Variants in RPA3 observed in about 807,000 individuals in gnomAD.
RPA3 encodes replication protein A3.
Under a neutral mutation model 13.7 loss-of-function variants are expected in RPA3, and 24 were observed. The ratio of observed to expected loss-of-function variants is 1.75; its 90% CI spans 1.27 to 2.46. RPA3 has a LOEUF of 2.46. Ranked by LOEUF, RPA3 falls within the 30% of genes most tolerant of loss-of-function variation. RPA3 has a pLI of 0.00. For missense variants in RPA3, 183 were observed against 151.0 expected (o/e 1.21, Z -1.11); for synonymous variants, 59 against 51.2 (o/e 1.15, Z -0.65).
chr7:7,642,290 A>G (rs1284234496), intron 4 of RPA3, among the ~76,000 whole-genome samples: 1 of 150,520 alleles, frequency 6.6e-6, no homozygotes, highest in African/African-American at 2.4e-5. Context: ...ACATACCACC[A>G]CACCCAGCTA....
chr7:7,699,309 GATTTAAA>G (rs891436393), intron 2 of RPA3, among the ~76,000 whole-genome samples: 105 of 152,082 alleles, frequency 6.9e-4, no homozygotes, highest in African/African-American at 2.1e-3. Flanking sequence ...TTATCCAACT[GATTTAAA>G]ATTTAAATAT....
At chr7:7,673,372 A>AGCAGCAG (rs750614406) in intron 4 of RPA3, 27 of 1,094,268 alleles carry the variant, frequency 2.5e-5, no homozygotes, top group Non-Finnish European at 2.5e-5. Context: ...AGCAGCAGCA[A>AGCAGCAG]TGTTTCACTT....
In RPA3 at chr7:7,671,115, A is replaced by G. The variant is rs185293783; in HGVS notation, c.-758+14715T>C. ...GGGTTGTTTTAAGCATTCAATAATCATATTACTCTTTGAATTGAGACCAGA... is the reference window on the plus strand; with the variant it reads ...GGGTTGTTTTAAGCATTCAATAATCGTATTACTCTTTGAATTGAGACCAGA... On this transcript the variant is annotated intron_variant, in intron 4 of 7. Coordinates refer to ENST00000223129, the MANE Select transcript of RPA3 (RefSeq NM_002947.5). Among the ~76,000 whole-genome samples the G allele has an allele frequency of 2.0e-3, 301 of 152,318 alleles. 1 individual carries two copies. The highest frequency in any genetic ancestry group is 7.9e-3 in the South Asian group (38 of 4,826).
intron 4 of RPA3, among the ~76,000 whole-genome samples, chr7:7,657,200 G>C (rs920397920): frequency 6.6e-6 from 1 of 152,032 alleles, no homozygotes; most frequent in Admixed American, 6.6e-5. Flanking sequence ...TCTTTCTAGA[G>C]TCTGGGTATT....
chr7:7,654,926 TA>T (rs1215899412), intron 4 of RPA3, among the ~76,000 whole-genome samples: 2 of 151,596 alleles, frequency 1.3e-5, no homozygotes, highest in Non-Finnish European at 2.9e-5. Flanking sequence ...AAATTTGTGA[TA>T]TTTTTAATTG....
intron 1 of RPA3, among the ~76,000 whole-genome samples, chr7:7,717,830 T>C (rs28912674): frequency 5.3e-5 from 8 of 152,358 alleles, no homozygotes; most frequent in African/African-American, 1.9e-4. Flanking sequence ...TACCATCACC[T>C]TTTATGCTTA....
intron 4 of RPA3, among the ~76,000 whole-genome samples, chr7:7,649,683 TTGG>T (rs2115548997): frequency 7.6e-6 from 1 of 132,418 alleles, no homozygotes; most frequent in African/African-American, 2.5e-5. Flanking sequence ...TGTATTCTTG[TTGG>T]TGGGGGGGCC....
chr7:7,650,580 A>G (rs937050905), intron 4 of RPA3, among the ~76,000 whole-genome samples: 3 of 152,224 alleles, frequency 2.0e-5, no homozygotes, highest in African/African-American at 7.2e-5. Context: ...AATGCCACTA[A>G]ACCGTACACT....
At chr7:7,643,007 G>C (rs1263810008) in intron 4 of RPA3, among the ~76,000 whole-genome samples, 5 of 152,080 alleles carry the variant, frequency 3.3e-5, no homozygotes, top group African/African-American at 1.2e-4. Context: ...AATGTACGTA[G>C]ATCATATTTT....
At position 7,640,341 on chromosome 7, in the gene RPA3, G is replaced by T. The variant is rs1256510606; in HGVS notation, c.78C>A (p.Cys26Ter). ...ACACCTTTTCCAGCCTCCCTACGAA[G>T]CAGACAGGCTTGTCGATGAATTGAG... ...MLAQFIDKPV[C>*]FVGRLEKIHP... is the part of the protein sequence containing the mutation. The change falls in exon 5 of 8, where the codon TGC (cysteine) becomes TGA (stop). Residue 26 changes from cysteine to a stop codon, truncating the protein, a stop_gained. Coordinates refer to ENST00000223129, the MANE Select transcript of RPA3 (RefSeq NM_002947.5). LOFTEE classifies it high-confidence loss of function. The T allele has an allele frequency of 6.2e-7, 1 of 1,614,042 alleles. No homozygotes were observed. The highest frequency in any genetic ancestry group is 8.5e-7 in the Non-Finnish European group (1 of 1,179,978).
At chr7:7,646,505 T>TTA (rs1262960426) in intron 4 of RPA3, among the ~76,000 whole-genome samples, 195 of 136,922 alleles carry the variant, frequency 1.4e-3, no homozygotes, top group Non-Finnish European at 1.3e-3. Context: ...TTTTTTTTTT[T>TTA]AATTCTCTCG....
chr7:7,663,269 C>G (rs965583237), intron 4 of RPA3, among the ~76,000 whole-genome samples: 9 of 136,464 alleles, frequency 6.6e-5, no homozygotes, highest in Non-Finnish European at 4.7e-5. Context: ...ACACCTAAAT[C>G]TAAGATAGTT....
chr7:7,638,606 C>T (rs1283924393), intron 6 of RPA3: 1 of 153,814 alleles, frequency 6.5e-6, no homozygotes, highest in African/African-American at 2.4e-5. Context: ...TTAAGCATGC[C>T]TGTAGTCCCA....
intron 4 of RPA3, among the ~76,000 whole-genome samples, chr7:7,683,190 T>C (rs559057280): frequency 6.6e-6 from 1 of 152,192 alleles, no homozygotes; most frequent in African/African-American, 2.4e-5. Flanking sequence ...GTGGATTTAG[T>C]TGACTCAAAC....
chr7:7,692,144 C>T (rs565300884), intron 2 of RPA3, among the ~76,000 whole-genome samples: 37 of 152,104 alleles, frequency 2.4e-4, no homozygotes, highest in Non-Finnish European at 4.4e-4. Flanking sequence ...TCTGCACTCT[C>T]GCACACATAT....
intron 4 of RPA3, among the ~76,000 whole-genome samples, chr7:7,662,541 C>T (rs944077722): frequency 2.0e-5 from 3 of 152,154 alleles, no homozygotes; most frequent in Non-Finnish European, 2.9e-5. Flanking sequence ...CCGCACAGTC[C>T]CTCAAGGCTT....
chr7:7,639,296 CT>C (rs1784914647), intron 5 of RPA3, 152 bp from the exon 6 acceptor site: 1 of 571,556 alleles, frequency 1.7e-6, no homozygotes, highest in Non-Finnish European at 3.1e-6. Flanking sequence ...AAATTATAAT[CT>C]TATGTTATCA....
At chr7:7,710,636 A>G (rs1386104349) in intron 2 of RPA3, among the ~76,000 whole-genome samples, 7 of 152,222 alleles carry the variant, frequency 4.6e-5, no homozygotes, top group African/African-American at 1.7e-4. Context: ...TCTGGAAAAT[A>G]GACAGTTTCT....
chr7:7,656,825 T>C (rs1205020468), intron 4 of RPA3, among the ~76,000 whole-genome samples: 1 of 152,230 alleles, frequency 6.6e-6, no homozygotes, highest in Non-Finnish European at 1.5e-5. Flanking sequence ...TTTGGGTATA[T>C]ACCCAGTAAT....
Sources: allele counts gnomAD v4.1 joint callset (sites outside exome capture counted in the v4.1 genomes callset), GRCh38; gene constraint gnomAD v4.1.1; transcripts MANE v1.5; gene names NCBI Gene and HGNC (gene_info 2026-07-23, HGNC 2026-07-21).